The following SNTB1 variants were observed in gnomAD, a reference collection of about 807,000 sequenced individuals.
SNTB1 encodes the protein syntrophin beta 1.
In SNTB1, 36 loss-of-function variants were observed where a neutral mutation model predicts 48.9. The observed-to-expected ratio is 0.74, with a 90% CI of 0.56 to 0.97. The LOEUF is 0.97. Ranked by LOEUF, SNTB1 falls within the 50% of genes least tolerant of loss-of-function variation. The probability of loss-of-function intolerance (pLI) is 0.00; values close to 1 mark genes in which losing one functional copy is unlikely to be tolerated. For synonymous variants in SNTB1, 299 were observed against 294.6 expected, an observed-to-expected ratio of 1.01 and a Z score of -0.15; for missense variants, 786 against 703.4, an observed-to-expected ratio of 1.12 and a Z score of -1.33.
At chr8:120,731,118 C>T (rs1250438663) in intron 1 of SNTB1, among the ~76,000 whole-genome samples, 1 of 151,684 alleles carries the variant, frequency 6.6e-6, no homozygotes, top group African/African-American at 2.4e-5. Context: ...GAGACTTTGT[C>T]TCAAAAAAGT....
chr8:120,732,939 T>C (rs1295451855), intron 1 of SNTB1, among the ~76,000 whole-genome samples: 1 of 152,240 alleles, frequency 6.6e-6, no homozygotes, highest in African/African-American at 2.4e-5. Flanking sequence ...TTAAGGAGTT[T>C]ATACTTTGGG....
chr8:120,663,023 G>A (rs1290916004), intron 2 of SNTB1, among the ~76,000 whole-genome samples: 3 of 129,286 alleles, frequency 2.3e-5, no homozygotes, highest in Non-Finnish European at 5.0e-5. Flanking sequence ...GGGGGGGCTG[G>A]TGGGGGGGGT....
chr8:120,620,477 A>G lies in SNTB1; in HGVS notation c.996+11967T>C, dbSNP rs1353228897. ...AAGCCCCTGCTCTTCCTTCTATAGT[A>G]TGGTACTTCACTGCCCTTCCCTGCC... On this transcript the variant is annotated intron_variant, in intron 3 of 6. Coordinates refer to ENST00000517992, the MANE Select transcript of SNTB1 (RefSeq NM_021021.4). 3.9e-5 allele frequency among the ~76,000 whole-genome samples: 6 copies of G among 152,188 alleles called. No individual in the cohort carries two copies. In the East Asian group the frequency reaches 5.8e-4, roughly 15 times the overall value.
rs28523510 is a variant in SNTB1 at position 120,784,817 on chromosome 8, T to A, written c.571+26456A>T. On this transcript the variant is annotated intron_variant, in intron 1 of 6. Transcript: ENST00000517992. The stretch of plus-strand genomic sequence containing the variant: ...TAAAAGAAAAACGGAAAGAAATTGC[T>A]GACTCTTGGAAAGAAGCAGTGGGCA... Among the ~76,000 whole-genome samples, 357 of 152,320 alleles carry A rather than the reference T, an allele frequency of 2.3e-3. 1 individual carries two copies. Among genetic ancestry groups the A allele is most frequent in the African/African-American group, 8.2e-3 (341 of 41,576 alleles).
intron 3 of SNTB1, among the ~76,000 whole-genome samples, chr8:120,590,055 G>A (rs900633509): frequency 1.3e-5 from 2 of 152,086 alleles, no homozygotes; most frequent in Non-Finnish European, 2.9e-5. Flanking sequence ...CACCCCATTA[G>A]CCTCAGTCAA....
At chr8:120,757,219 GT>G (rs35535726) in intron 1 of SNTB1, among the ~76,000 whole-genome samples, 16,325 of 152,088 alleles carry the variant, frequency 0.11, 2,853 homozygotes, top group African/African-American at 0.37. Flanking sequence ...GATCTATCGG[GT>G]TTCCCAAACC....
intron 2 of SNTB1, among the ~76,000 whole-genome samples, chr8:120,666,216 T>G (rs944316961): frequency 6.6e-6 from 1 of 152,238 alleles, no homozygotes; most frequent in African/African-American, 2.4e-5. Context: ...TTGATGTAAT[T>G]TTCTCTCTGC....
chr8:120,779,073 G>A (rs1487879654), intron 1 of SNTB1, among the ~76,000 whole-genome samples: 2 of 152,098 alleles, frequency 1.3e-5, no homozygotes, highest in Admixed American at 1.3e-4. Flanking sequence ...AAGAGCAGTG[G>A]GCACAGATGA....
chr8:120,711,284 C>G (rs1463450062), intron 1 of SNTB1, among the ~76,000 whole-genome samples: 1 of 151,902 alleles, frequency 6.6e-6, no homozygotes, highest in Non-Finnish European at 1.5e-5. Flanking sequence ...TGAAGTATTT[C>G]AATGTAAATA....
intron 1 of SNTB1, among the ~76,000 whole-genome samples, chr8:120,810,157 T>C (rs1431051087): frequency 1.3e-5 from 2 of 152,152 alleles, no homozygotes; most frequent in Non-Finnish European, 1.5e-5. Context: ...CAAGAGAGAC[T>C]CACCACTAAA....
At chr8:120,558,358 G>A (rs1815602109) in intron 4 of SNTB1, among the ~76,000 whole-genome samples, 1 of 152,206 alleles carries the variant, frequency 6.6e-6, no homozygotes, top group African/African-American at 2.4e-5. Flanking sequence ...GGCACCCTGG[G>A]ACGGGGTTTG....
intron 2 of SNTB1, among the ~76,000 whole-genome samples, chr8:120,644,383 A>G (rs893392392): frequency 2.2e-5 from 3 of 139,436 alleles, no homozygotes; most frequent in African/African-American, 8.1e-5. Flanking sequence ...TCATTGTTCA[A>G]TTCCCACCTA....
chr8:120,628,755 C>T (rs1816926971), intron 3 of SNTB1, among the ~76,000 whole-genome samples: 1 of 149,184 alleles, frequency 6.7e-6, no homozygotes, highest in Non-Finnish European at 1.5e-5. Context: ...GACTCCATCT[C>T]AAAGAAAAAA....
chr8:120,689,495 T>C (rs913773761), intron 2 of SNTB1, among the ~76,000 whole-genome samples: 66 of 152,148 alleles, frequency 4.3e-4, no homozygotes, highest in African/African-American at 1.5e-3. Context: ...TAGAGAGGAG[T>C]TCCCGCTACC....
intron 2 of SNTB1, among the ~76,000 whole-genome samples, chr8:120,655,675 G>A (rs1237454577): frequency 2.6e-5 from 4 of 152,186 alleles, no homozygotes; most frequent in Non-Finnish European, 5.9e-5. Flanking sequence ...GTTGGTTGCT[G>A]TTCAATATCT....
intron 1 of SNTB1, among the ~76,000 whole-genome samples, chr8:120,733,260 T>C (rs968951022): frequency 4.6e-5 from 7 of 152,244 alleles, no homozygotes; most frequent in African/African-American, 9.6e-5. Flanking sequence ...TATCACTTTG[T>C]ATGAATGAGA....
intron 1 of SNTB1, among the ~76,000 whole-genome samples, chr8:120,763,177 C>T (rs973694939): frequency 1.3e-5 from 2 of 152,146 alleles, no homozygotes; most frequent in Non-Finnish European, 2.9e-5. Context: ...TCTTATATAT[C>T]GCATTACTAT....
At chr8:120,550,515 C>A (rs951823705) in intron 4 of SNTB1, among the ~76,000 whole-genome samples, 4 of 145,600 alleles carry the variant, frequency 2.7e-5, no homozygotes, top group Non-Finnish European at 4.5e-5. Flanking sequence ...GCACTCCAGC[C>A]TGGGCAACAG....
chr8:120,622,031 C>T (rs1816801780), intron 3 of SNTB1, among the ~76,000 whole-genome samples: 1 of 152,196 alleles, frequency 6.6e-6, no homozygotes, highest in Non-Finnish European at 1.5e-5. Context: ...AAGTTGACCC[C>T]TTACTATTCC....
Sources: allele counts gnomAD v4.1 joint callset (sites outside exome capture counted in the v4.1 genomes callset), GRCh38; gene constraint gnomAD v4.1.1; transcripts MANE v1.5; gene names NCBI Gene and HGNC (gene_info 2026-07-23, HGNC 2026-07-21).